MAPKBP1: variants seen among roughly 807,000 people sequenced by gnomAD.
MAPKBP1 encodes mitogen-activated protein kinase binding protein 1, also known as mitogen-activated protein kinase-binding protein 1.
In MAPKBP1, 71 loss-of-function variants were observed where a neutral mutation model predicts 170.5. The ratio of observed to expected loss-of-function variants is 0.42; its 90% CI spans 0.34 to 0.51. The LOEUF (loss-of-function observed/expected upper bound fraction) is 0.51. Ranked by LOEUF, MAPKBP1 falls within the 20% of genes least tolerant of loss-of-function variation. The pLI is 0.06. For missense variants in MAPKBP1, 1,598 were observed against 1,933.0 expected (o/e 0.83, Z 3.25); for synonymous variants, 719 against 757.9 (o/e 0.95, Z 0.84).
intron 27 of MAPKBP1, 112 bp downstream of exon 27, chr15:41,822,789 C>G: frequency 6.8e-7 from 1 of 1,472,854 alleles, no homozygotes; most frequent in Non-Finnish European, 9.4e-7. Flanking sequence ...GTTTTGCACT[C>G]CCAGTTTTGG....
intron 2 of MAPKBP1, among the ~76,000 whole-genome samples, chr15:41,784,610 C>T (rs893550240): frequency 9.9e-5 from 15 of 151,596 alleles, no homozygotes; most frequent in Admixed American, 3.3e-4. Context: ...GCTGAAACCC[C>T]GTCTCTACTA....
At chr15:41,821,552 T>C in intron 23 of MAPKBP1, 32 bp from the exon 24 acceptor site, 1 of 1,606,678 alleles carries the variant, frequency 6.2e-7, no homozygotes, top group Non-Finnish European at 8.5e-7. Context: ...CTGTCACCTC[T>C]GCTCTGTTAA....
chr15:41,825,846 T>C lies in MAPKBP1; in HGVS notation c.*410T>C, dbSNP rs565985380. 8.2e-5 allele frequency: 13 copies of C among 158,832 alleles called. 1 individual carries two copies. The South Asian group carries it at 2.2e-3, about 27-fold the overall frequency. 9.8% of individuals were successfully genotyped at this position (158,832 alleles called of 1,614,324 possible). A position where few individuals can be genotyped will look rare whatever the true frequency, so the allele number is the denominator to read the frequency against. On this transcript the variant is annotated 3_prime_UTR_variant, in exon 31 of 31. Coordinates refer to ENST00000457542, the MANE Select transcript of MAPKBP1 (RefSeq NM_014994.3). ...ACTCTGGGGTCGAGGTGAGAGGTGATGTGGTATTCAGTGCCCGTCAGCCAA... is the reference window on the plus strand; with the variant it reads ...ACTCTGGGGTCGAGGTGAGAGGTGACGTGGTATTCAGTGCCCGTCAGCCAA...
Position 41,817,790 on chromosome 15 carries a change from A to G in MAPKBP1, c.1904+55A>G. 1 of 1,595,240 alleles carries G rather than the reference A, an allele frequency of 6.3e-7. No individual in the cohort carries two copies. The highest frequency in any genetic ancestry group is 8.5e-7 in the Non-Finnish European group (1 of 1,170,566). ...CATTCCTTCATCTCCCTACGGGGTC[A>G]GCTCTGTGCAGCTAAGTTCCCACAT... On this transcript the variant is annotated intron_variant, in intron 16 of 30. Transcript: ENST00000457542. The surrounding 1 kb of genome is among the most constrained non-coding windows in gnomAD (Gnocchi z 4.2).
chr15:41,806,968 C>T (rs2064708699), intron 3 of MAPKBP1, among the ~76,000 whole-genome samples: 2 of 152,234 alleles, frequency 1.3e-5, no homozygotes, highest in East Asian at 1.9e-4. Context: ...TCTGCGTTAT[C>T]GTCCCTGCAT....
rs1195594919 is a variant in MAPKBP1, at chr15:41,817,289, A to G, written c.1712-99A>G. On this transcript the variant is annotated intron_variant, in intron 14 of 30. Transcript: ENST00000457542. The surrounding 1 kb of genome is among the most constrained non-coding windows in gnomAD (Gnocchi z 4.2). Reference sequence around the variant, plus strand: ...ATTTAGTTGGTTTTCCCTGGCATGTAGAGTAGCTTGATGGGGGATCTCATG... The same window carrying G: ...ATTTAGTTGGTTTTCCCTGGCATGTGGAGTAGCTTGATGGGGGATCTCATG... 6 of 1,345,230 alleles carry G rather than the reference A, an allele frequency of 4.5e-6. No homozygotes were observed. The East Asian group carries it at 1.1e-4, about 26-fold the overall frequency. The allele number at this position is 1,345,230 out of a possible 1,614,324, so 83.3% of individuals were successfully genotyped here.
Position 41,818,564 on chromosome 15 carries a change from T to C in MAPKBP1, c.2138T>C (p.Ile713Thr). The C allele has an allele frequency of 6.2e-7, 1 of 1,613,328 alleles. No homozygotes were observed. The highest frequency in any genetic ancestry group is 8.5e-7 in the Non-Finnish European group (1 of 1,179,644). Residue 713 changes from isoleucine (I) to threonine (T), a missense_variant, in exon 19 of 31, where the codon ATC (isoleucine) becomes ACC (threonine). By Grantham distance (89) the Ile-to-Thr change is moderately conservative (BLOSUM62 -1). This residue lies in a region of MAPKBP1 where 63 missense variants were observed against 115.2 expected (regional missense o/e 0.55). Transcript: ENST00000457542. This position sits in a 1 kb window ranked among gnomAD's most constrained non-coding sequence, Gnocchi z 5.2. ...MKFSNDCKHLISVSGDSCIFV... is the reference protein window; with the variant it reads ...MKFSNDCKHLTSVSGDSCIFV... Reference sequence around the variant, plus strand: ...TTTAGTAATGATTGTAAACATCTCATCTCTGTGTCTGGGGACAGGTGAGCA... The same window carrying C: ...TTTAGTAATGATTGTAAACATCTCACCTCTGTGTCTGGGGACAGGTGAGCA...
chr15:41,795,410 G>GGAGT (rs1567139485), intron 2 of MAPKBP1, among the ~76,000 whole-genome samples: 1 of 151,878 alleles, frequency 6.6e-6, no homozygotes, highest in East Asian at 1.9e-4. Flanking sequence ...TGGCTGGGGT[G>GGAGT]GAGTGAGTGA....
chr15:41,813,144 A>G, intron 8 of MAPKBP1, 43 bp downstream of exon 8: 3 of 1,567,580 alleles, frequency 1.9e-6, no homozygotes, highest in Non-Finnish European at 2.6e-6. Context: ...CTCATGTCTC[A>G]GCTCAGGGGA....
intron 6 of MAPKBP1, 117 bp downstream of exon 6, chr15:41,812,244 A>G: frequency 2.1e-6 from 3 of 1,418,584 alleles, no homozygotes; most frequent in African/African-American, 1.4e-5. Flanking sequence ...TTCTCATTCT[A>G]GAAAGTTATT....
intron 10 of MAPKBP1, among the ~76,000 whole-genome samples, 183 bp from the exon 11 acceptor site, chr15:41,815,076 T>C (rs1479605131): frequency 1.3e-5 from 2 of 152,196 alleles, no homozygotes; most frequent in Non-Finnish European, 2.9e-5. Flanking sequence ...GTGCCTGATA[T>C]ATAGTGGGTG....
At chr15:41,814,856 C>A in intron 10 of MAPKBP1, 117 bp downstream of exon 10, 2 of 1,268,604 alleles carry the variant, frequency 1.6e-6, no homozygotes, top group Non-Finnish European at 2.2e-6. Context: ...CCCTGTTTCT[C>A]CAGTGACTTC....
intron 2 of MAPKBP1, among the ~76,000 whole-genome samples, chr15:41,777,202 G>A (rs2064112780): frequency 2.0e-5 from 3 of 152,088 alleles, no homozygotes; most frequent in South Asian, 2.1e-4. Flanking sequence ...TTAGCCGGGC[G>A]TGGTGGTGCA....
In MAPKBP1 at chr15:41,822,653, T is replaced by C; in HGVS notation, c.3290T>C (p.Leu1097Ser). Reference protein sequence around the residue: ...ESRSISSRFLLQVQTRPLREP... With the variant: ...ESRSISSRFLSQVQTRPLREP... ...CGGAGTATCTCTTCACGATTCCTGT[T>C]GCAAGTACAGACCCGCCCACTCAGG... is the stretch of plus-strand genomic sequence containing the variant. Residue 1097 changes from leucine (L) to serine (S), a missense_variant, in exon 27 of 31, where the codon TTG becomes TCG. Leu to Ser is a moderately radical substitution (Grantham distance 145). Coordinates refer to ENST00000457542, the MANE Select transcript of MAPKBP1 (RefSeq NM_014994.3). 6.2e-7 allele frequency: 1 copy of C among 1,614,094 alleles called. No homozygotes were observed. Among genetic ancestry groups the C allele is most frequent in the Non-Finnish European group, 8.5e-7 (1 of 1,179,978 alleles).
At chr15:41,822,169 A>T (rs1245593022) in intron 25 of MAPKBP1, 56 bp from the exon 26 acceptor site, 2 of 1,598,100 alleles carry the variant, frequency 1.3e-6, no homozygotes, top group Non-Finnish European at 8.5e-7. Flanking sequence ...GTGGGTGGGG[A>T]GGCTCTGGCA....
In MAPKBP1 at chr15:41,815,784, G is replaced by A; in HGVS notation, c.1478G>A (p.Arg493His). The A allele has an allele frequency of 1.2e-6, 2 of 1,613,724 alleles. No individual in the cohort carries two copies. Among genetic ancestry groups the A allele is most frequent in the Non-Finnish European group, 1.7e-6 (2 of 1,179,658 alleles). ...PNGQHLASGD[R>H]MGTLRVHELQ... ...GGACAGCATCTAGCATCAGGGGACCGTATGGGCACACTTAGGTAATGCCAG... is the reference window on the plus strand; with the variant it reads ...GGACAGCATCTAGCATCAGGGGACCATATGGGCACACTTAGGTAATGCCAG... The change falls in exon 12 of 31, where the codon CGT (arginine) becomes CAT (histidine). Residue 493 changes from arginine to histidine, a missense_variant. Physicochemically the swap from Arg to His is conservative, Grantham distance 29. This residue lies in a region of MAPKBP1 where 430 missense variants were observed against 617.2 expected (regional missense o/e 0.70). Coordinates refer to ENST00000457542, the MANE Select transcript of MAPKBP1 (RefSeq NM_014994.3).
chr15:41,821,266 G>A, intron 23 of MAPKBP1, 198 bp downstream of exon 23: 1 of 636,870 alleles, frequency 1.6e-6, no homozygotes, highest in Non-Finnish European at 2.7e-6. Flanking sequence ...GAGGGGTTGG[G>A]GTAGAGAGGC....
intron 2 of MAPKBP1, among the ~76,000 whole-genome samples, chr15:41,798,249 C>CAAA (rs1241108889): frequency 1.8e-5 from 1 of 56,938 alleles, no homozygotes; most frequent in South Asian, 8.3e-4. Flanking sequence ...GACTCTGTCT[C>CAAA]AAAAAAAAAA....
At chr15:41,802,998 T>C (rs1050335374) in intron 3 of MAPKBP1, among the ~76,000 whole-genome samples, 6 of 152,176 alleles carry the variant, frequency 3.9e-5, no homozygotes, top group African/African-American at 1.4e-4. Context: ...CAAAATGTTA[T>C]TATGTGACGT....
Sources: gnomAD v4.1 joint callset for allele counts (sites outside exome capture counted in the v4.1 genomes callset) on GRCh38, gnomAD v4.1.1 for gene constraint, gnomAD v4.1.1 regional missense constraint, Gnocchi (gnomAD v3.1) non-coding constraint, MANE v1.5 for transcripts, NCBI Gene and HGNC (gene_info 2026-07-23, HGNC 2026-07-21) for gene names.